Variants in APP observed in about 807,000 individuals in gnomAD.
APP encodes amyloid-beta precursor protein.
APP carries 31 observed loss-of-function variants against 101.4 expected under a neutral mutation model. That is an observed-to-expected ratio of 0.31 (90% CI 0.23 to 0.41). The LOEUF is 0.41. Ranked by LOEUF, APP falls within the 10% of genes least tolerant of loss-of-function variation. APP has a pLI of 1.00. For missense variants in APP, 839 were observed against 1,003.7 expected (o/e 0.84, Z 2.22); for synonymous variants, 366 against 364.4 (o/e 1.00, Z -0.05).
At chr21:26,142,418 C>T (rs1167370188) in intron 1 of APP, among the ~76,000 whole-genome samples, 1 of 152,108 alleles carries the variant, frequency 6.6e-6, no homozygotes, top group Non-Finnish European at 1.5e-5. Flanking sequence ...GCCTCATATC[C>T]CCTTCTCTGC....
At chr21:26,153,212 A>C (rs1033486935) in intron 1 of APP, among the ~76,000 whole-genome samples, 1 of 152,152 alleles carries the variant, frequency 6.6e-6, no homozygotes, top group Admixed American at 6.5e-5. Context: ...ACCCTACTTA[A>C]GTGCACTAAA....
rs188689219 is a variant in APP at position 25,964,153 on chromosome 21, C to T, written c.1459-8398G>A. Among the ~76,000 whole-genome samples, 60 of 152,252 alleles carry T rather than the reference C, an allele frequency of 3.9e-4. No homozygotes were observed. The East Asian group carries it at 0.011, about 27-fold the overall frequency. On this transcript the variant is annotated intron_variant, in intron 11 of 17. Coordinates refer to ENST00000346798, the MANE Select transcript of APP (RefSeq NM_000484.4). ...TCCCAATGTTCCTTCCCAGGGTATCCGGTTTGCTGATGCGGCTCTGATTTT... is the reference window on the plus strand; with the variant it reads ...TCCCAATGTTCCTTCCCAGGGTATCTGGTTTGCTGATGCGGCTCTGATTTT...
At chr21:26,065,589 G>A (rs2046425480) in intron 3 of APP, among the ~76,000 whole-genome samples, 1 of 152,036 alleles carries the variant, frequency 6.6e-6, no homozygotes, top group Non-Finnish European at 1.5e-5. Flanking sequence ...TACAAATGAG[G>A]AATCTTGAGC....
intron 6 of APP, among the ~76,000 whole-genome samples, chr21:26,015,732 G>A (rs2044025256): frequency 6.6e-6 from 1 of 152,090 alleles, no homozygotes; most frequent in South Asian, 2.1e-4. Flanking sequence ...ACTTGATATG[G>A]CAGTATGTGA....
chr21:26,161,487 T>G lies in APP; in HGVS notation c.57+9077A>C, dbSNP rs570355353. Among the ~76,000 whole-genome samples, 6 of 152,330 alleles carry G rather than the reference T, an allele frequency of 3.9e-5. No individual in the cohort carries two copies. In the South Asian group the frequency reaches 1.2e-3, roughly 32 times the overall value. On this transcript the variant is annotated intron_variant, in intron 1 of 17. Coordinates refer to ENST00000346798, the MANE Select transcript of APP (RefSeq NM_000484.4). The stretch of plus-strand genomic sequence containing the variant: ...GTCTACCCTCTTGGGGGCAAGGACC[T>G]CGAAAATATTTGTGAAATGAAGGAG...
At chr21:25,935,853 A>AC (rs986002837) in intron 13 of APP, among the ~76,000 whole-genome samples, 1 of 150,892 alleles carries the variant, frequency 6.6e-6, no homozygotes, top group African/African-American at 2.4e-5. Flanking sequence ...AAAAAAAAAA[A>AC]AAAAAAAACC....
At chr21:25,944,809 ACT>A (rs1217178269) in intron 13 of APP, among the ~76,000 whole-genome samples, 3 of 152,034 alleles carry the variant, frequency 2.0e-5, no homozygotes, top group Non-Finnish European at 2.9e-5. Context: ...TGTTCCCAAG[ACT>A]CTACAAAAAA....
chr21:26,110,646 C>A (rs2234989), intron 2 of APP, among the ~76,000 whole-genome samples: 3 of 151,688 alleles, frequency 2.0e-5, no homozygotes, highest in Non-Finnish European at 4.4e-5. Flanking sequence ...TTAAACAGAG[C>A]GCTATCAAAA....
At chr21:26,006,246 T>G (rs557516045) in intron 6 of APP, among the ~76,000 whole-genome samples, 30 of 152,334 alleles carry the variant, frequency 2.0e-4, no homozygotes, top group African/African-American at 7.0e-4. Context: ...CAATCCTTTA[T>G]TGATGTTGAA....
At chr21:26,034,871 A>C (rs753517340) in intron 5 of APP, among the ~76,000 whole-genome samples, 1 of 152,128 alleles carries the variant, frequency 6.6e-6, no homozygotes, top group South Asian at 2.1e-4. Flanking sequence ...GAGAGATTAC[A>C]TTCTATGGGG....
At chr21:26,118,194 T>C (rs1183962538) in intron 1 of APP, among the ~76,000 whole-genome samples, 2 of 152,086 alleles carry the variant, frequency 1.3e-5, no homozygotes, top group African/African-American at 4.8e-5. Context: ...TCAATAGGAG[T>C]CTTTGTTATT....
chr21:26,053,303 T>G lies in APP; in HGVS notation c.401A>C (p.Lys134Thr). ...SDALLVPDKCKFLHQERMDVC... is the reference protein window; with the variant it reads ...SDALLVPDKCTFLHQERMDVC... ...ATCCATCCTCTCCTGGTGTAAGAAT[T>G]TGCACTTGTCAGGAACGAGAAGGGC... The change falls in exon 4 of 18, where the codon AAA becomes ACA. Residue 134 changes from lysine to threonine, a missense_variant. Lys to Thr is a moderately conservative substitution (Grantham distance 78, BLOSUM62 -1). Transcript: ENST00000346798. The G allele has an allele frequency of 1.2e-6, 2 of 1,613,882 alleles. No homozygotes were observed. Among genetic ancestry groups the G allele is most frequent in the Non-Finnish European group, 1.7e-6 (2 of 1,179,874 alleles).
intron 8 of APP, among the ~76,000 whole-genome samples, chr21:25,991,539 A>G (rs1422224401): frequency 6.6e-6 from 1 of 152,082 alleles, no homozygotes; most frequent in Non-Finnish European, 1.5e-5. Context: ...CACCACGCCC[A>G]GCTAGTTTTT....
intron 17 of APP, among the ~76,000 whole-genome samples, chr21:25,887,354 G>C (rs947651721): frequency 6.6e-6 from 1 of 152,014 alleles, no homozygotes; most frequent in Non-Finnish European, 1.5e-5. Flanking sequence ...TGACATGGAG[G>C]GCACATTTGG....
intron 1 of APP, among the ~76,000 whole-genome samples, chr21:26,118,471 C>T (rs2062486109): frequency 6.6e-6 from 1 of 152,088 alleles, no homozygotes; most frequent in Non-Finnish European, 1.5e-5. Flanking sequence ...CATACACATA[C>T]TATATAGTAT....
intron 1 of APP, among the ~76,000 whole-genome samples, chr21:26,143,207 C>A (rs114612101): frequency 7.9e-5 from 12 of 152,192 alleles, no homozygotes; most frequent in Non-Finnish European, 1.8e-4. Flanking sequence ...GGTGTGATGG[C>A]TCATGCCTAT....
At chr21:26,114,834 A>T (rs1300960984) in intron 1 of APP, among the ~76,000 whole-genome samples, 1 of 151,976 alleles carries the variant, frequency 6.6e-6, no homozygotes, top group Non-Finnish European at 1.5e-5. Flanking sequence ...AAAAGTGGTA[A>T]TTTTTTAAAC....
At chr21:26,142,330 C>A (rs748140075) in intron 1 of APP, among the ~76,000 whole-genome samples, 1 of 152,172 alleles carries the variant, frequency 6.6e-6, no homozygotes, top group Admixed American at 6.5e-5. Context: ...CTAGGCTCTG[C>A]TAAGAATGTT....
chr21:26,108,383 C>A (rs376216495), intron 2 of APP, among the ~76,000 whole-genome samples: 1 of 152,160 alleles, frequency 6.6e-6, no homozygotes, highest in Non-Finnish European at 1.5e-5. Context: ...ATCTATCTTA[C>A]ACTTATAGCA....
Sources: gnomAD v4.1 joint callset for allele counts (sites outside exome capture counted in the v4.1 genomes callset) on GRCh38, gnomAD v4.1.1 for gene constraint, MANE v1.5 for transcripts, NCBI Gene and HGNC (gene_info 2026-07-23, HGNC 2026-07-21) for gene names.